The following ZFHX3 variants were observed in gnomAD, a reference collection of about 807,000 sequenced individuals.
ZFHX3 encodes the protein zinc finger homeobox 3.
A neutral mutation model predicts 279.1 loss-of-function variants in ZFHX3; 42 were observed. That is an observed-to-expected ratio of 0.15 (90% CI 0.12 to 0.19). The LOEUF is 0.19. ZFHX3 is among the 10% of genes least tolerant of loss of function. The pLI is 1.00. For missense variants in ZFHX3, 4,981 were observed against 4,754.0 expected (o/e 1.05, Z -1.40); for synonymous variants, 2,293 against 1,957.8 (o/e 1.17, Z -4.52).
chr16:73,465,849 G>A (rs1371818798), intron 2 of ZFHX3, among the ~76,000 whole-genome samples: 3 of 152,266 alleles, frequency 2.0e-5, no homozygotes, highest in South Asian at 2.1e-4. Context: ...AGTTCCAGGG[G>A]CAGAGCTATC....
chr16:72,811,637 C>A lies in ZFHX3; in HGVS notation c.3804G>T (p.Gln1268His). Reference protein sequence around the residue: ...QDMLNNKIHLQLHLTHLHSVA... With the variant: ...QDMLNNKIHLHLHLTHLHSVA... ...CGCTGTGGAGGTGGGTGAGGTGCAG[C>A]TGGAGGTGGATCTTGTTGTTGAGCA... The change falls in exon 7 of 10, where the codon CAG becomes CAT. Residue 1268 changes from glutamine to histidine, a missense_variant. By Grantham distance (24) the Gln-to-His change is conservative. Coordinates refer to ENST00000268489, the MANE Select transcript of ZFHX3 (RefSeq NM_006885.4). The A allele has an allele frequency of 6.2e-7, 1 of 1,613,204 alleles. No homozygotes were observed. The highest frequency in any genetic ancestry group is 8.5e-7 in the Non-Finnish European group (1 of 1,179,550).
intron 3 of ZFHX3, among the ~76,000 whole-genome samples, chr16:73,385,364 A>G (rs1447450095): frequency 6.6e-6 from 1 of 152,180 alleles, no homozygotes; most frequent in Admixed American, 6.5e-5. Flanking sequence ...ATGTTTGGAC[A>G]CATTTTGGCA....
Position 72,798,559 on chromosome 16 carries a change from C to T in ZFHX3, c.4123G>A (p.Ala1375Thr). Residue 1375 changes from alanine (A) to threonine (T), a missense_variant, in exon 9 of 10, where the codon GCT becomes ACT. Around this residue, in one of 7 missense-constraint regions of ZFHX3, gnomAD observed 1,751 missense variants for 1,770.0 expected, o/e 0.99. Coordinates refer to ENST00000268489, the MANE Select transcript of ZFHX3 (RefSeq NM_006885.4). Reference protein sequence around the residue: ...KGCNQVFKTSAALQTHFNEVH... With the variant: ...KGCNQVFKTSTALQTHFNEVH... ...TCATTAAAATGCGTCTGAAGGGCAG[C>T]AGAAGTTTTGAAAACCTGGTTGCAC... 2 of 1,614,184 alleles carry T rather than the reference C, an allele frequency of 1.2e-6. No individual in the cohort carries two copies. The highest frequency in any genetic ancestry group is 1.7e-6 in the Non-Finnish European group (2 of 1,180,028).
Position 73,593,444 on chromosome 16 carries a change from G to C in ZFHX3, c.-1547+86736C>G, listed in dbSNP as rs74030126. On this transcript the variant is annotated intron_variant, in intron 2 of 17. Coordinates refer to the ZFHX3 transcript ENST00000641206. ...TCATAACCAAACAGGTTTTATCCCA[G>C]AAATGAAGAGTTTATTTATCATTAG... is the stretch of plus-strand genomic sequence containing the variant. 1.3e-3 allele frequency among the ~76,000 whole-genome samples: 200 copies of C among 152,214 alleles called. 3 individuals are homozygous for C. Among genetic ancestry groups the C allele is most frequent in the African/African-American group, 4.7e-3 (196 of 41,536 alleles).
At chr16:73,447,361 G>A (rs931171606) in intron 3 of ZFHX3, among the ~76,000 whole-genome samples, 2 of 152,010 alleles carry the variant, frequency 1.3e-5, no homozygotes, top group Non-Finnish European at 2.9e-5. Context: ...CAATGATTTT[G>A]GTGTACCACA....
chr16:72,982,257 T>C (rs1962640181), intron 1 of ZFHX3, among the ~76,000 whole-genome samples: 2 of 152,134 alleles, frequency 1.3e-5, no homozygotes, highest in African/African-American at 4.8e-5. Context: ...ATATTTTCGA[T>C]TTTACAGGTT....
intron 5 of ZFHX3, among the ~76,000 whole-genome samples, chr16:73,194,640 A>G (rs1968105804): frequency 6.6e-6 from 1 of 152,232 alleles, no homozygotes; most frequent in African/African-American, 2.4e-5. Context: ...TGTATGATAT[A>G]ATTGAACCCA....
intron 2 of ZFHX3, among the ~76,000 whole-genome samples, chr16:73,562,303 T>C (rs1237434975): frequency 6.6e-6 from 1 of 152,066 alleles, no homozygotes; most frequent in East Asian, 1.9e-4. Context: ...TCTTAAGAAG[T>C]GGCTATGAGA....
chr16:73,519,461 T>C (rs544320265), intron 2 of ZFHX3, among the ~76,000 whole-genome samples: 169 of 152,268 alleles, frequency 1.1e-3, no homozygotes, highest in Non-Finnish European at 1.9e-3. Context: ...CATTCTTCCC[T>C]ACCTTGGGCC....
At chr16:73,370,441 G>C (rs902077359) in intron 3 of ZFHX3, among the ~76,000 whole-genome samples, 3 of 152,188 alleles carry the variant, frequency 2.0e-5, no homozygotes, top group African/African-American at 7.2e-5. Context: ...AGGGCAGTGG[G>C]GACAAGGCAA....
intron 2 of ZFHX3, among the ~76,000 whole-genome samples, chr16:73,634,461 TAAA>T (rs34811810): frequency 1.4e-5 from 2 of 140,940 alleles, no homozygotes; most frequent in African/African-American, 5.5e-5. Context: ...TATATATATA[TAAA>T]ATATATATGT....
At chr16:73,439,679 G>A (rs751027643) in intron 3 of ZFHX3, among the ~76,000 whole-genome samples, 39 of 151,954 alleles carry the variant, frequency 2.6e-4, no homozygotes, top group Non-Finnish European at 7.4e-5. Context: ...GTTAGTCCAC[G>A]TGGTCATCCC....
At chr16:73,273,539 T>G (rs936843558) in intron 4 of ZFHX3, among the ~76,000 whole-genome samples, 1 of 152,184 alleles carries the variant, frequency 6.6e-6, no homozygotes, top group Admixed American at 6.5e-5. Flanking sequence ...CCATTTTTTC[T>G]TTTCTTTACG....
intron 1 of ZFHX3, among the ~76,000 whole-genome samples, chr16:73,875,983 T>C (rs940652731): frequency 6.6e-6 from 1 of 152,246 alleles, no homozygotes; most frequent in Admixed American, 6.5e-5. Flanking sequence ...TTTCCATTCC[T>C]TCTTAGCCAT....
At chr16:73,009,171 C>A (rs1389443301) in intron 1 of ZFHX3, among the ~76,000 whole-genome samples, 3 of 152,074 alleles carry the variant, frequency 2.0e-5, no homozygotes, top group Non-Finnish European at 4.4e-5. Flanking sequence ...AAGCATCATA[C>A]CGTATCAACT....
chr16:72,911,454 T>A (rs957161994), intron 3 of ZFHX3, among the ~76,000 whole-genome samples: 1 of 152,206 alleles, frequency 6.6e-6, no homozygotes, highest in Non-Finnish European at 1.5e-5. Context: ...TCTTTTTCCT[T>A]CGGAAAACTT....
intron 3 of ZFHX3, among the ~76,000 whole-genome samples, chr16:73,399,834 TGTG>T (rs758476283): frequency 1.3e-5 from 1 of 77,666 alleles, no homozygotes; most frequent in Non-Finnish European, 2.6e-5. Flanking sequence ...GAGTGTGGTG[TGTG>T]GTGTGTGTGT....
At chr16:73,491,371 C>A (rs920287732) in intron 2 of ZFHX3, among the ~76,000 whole-genome samples, 37 of 152,300 alleles carry the variant, frequency 2.4e-4, no homozygotes, top group African/African-American at 8.9e-4. Context: ...CAATTCACTG[C>A]AAAGGTGCTG....
chr16:72,866,947 C>T (rs1259820633), intron 4 of ZFHX3, among the ~76,000 whole-genome samples: 1 of 152,214 alleles, frequency 6.6e-6, no homozygotes, highest in Non-Finnish European at 1.5e-5. Context: ...CCTAAATTAT[C>T]ATCTCTCTGG....
Sources: allele counts gnomAD v4.1 joint callset (sites outside exome capture counted in the v4.1 genomes callset), GRCh38; gene constraint gnomAD v4.1.1; regional missense constraint gnomAD v4.1.1; transcripts MANE v1.5; gene names NCBI Gene and HGNC (gene_info 2026-07-23, HGNC 2026-07-21).